The following PXK variants were observed in gnomAD, a reference collection of about 807,000 sequenced individuals.
PXK encodes the protein PX domain containing serine/threonine kinase like.
Under a neutral mutation model 84.7 loss-of-function variants are expected in PXK, and 35 were observed. The ratio of observed to expected loss-of-function variants is 0.41; its 90% CI spans 0.32 to 0.55. The LOEUF (loss-of-function observed/expected upper bound fraction) is 0.55. Ranked by LOEUF, PXK falls within the 20% of genes least tolerant of loss-of-function variation. The probability of loss-of-function intolerance (pLI) is 0.21; values close to 1 mark genes in which losing one functional copy is unlikely to be tolerated. For missense variants in PXK, 634 were observed against 699.7 expected (o/e 0.91, Z 1.06); for synonymous variants, 253 against 260.8 (o/e 0.97, Z 0.29).
Position 58,424,747 on chromosome 3 carries a change from C to T in PXK, c.1529-5C>T. 6.2e-7 allele frequency: 1 copy of T among 1,612,914 alleles called. No homozygotes were observed. Among genetic ancestry groups the T allele is most frequent in the Non-Finnish European group, 8.5e-7 (1 of 1,179,784 alleles). Reference sequence around the variant, plus strand: ...AATACTGATTGTCCCCCTTTTCCTCCACAGGGATATCTGCATTACCTCCAC... The same window carrying T: ...AATACTGATTGTCCCCCTTTTCCTCTACAGGGATATCTGCATTACCTCCAC... On this transcript the variant is annotated splice_region_variant and splice_polypyrimidine_tract_variant and intron_variant, in intron 17 of 17. Transcript: ENST00000356151.
intron 1 of PXK, among the ~76,000 whole-genome samples, chr3:58,357,825 C>T (rs1028440423): frequency 1.3e-5 from 2 of 152,078 alleles, no homozygotes; most frequent in African/African-American, 4.8e-5. Flanking sequence ...TGGTGGGCAC[C>T]TGTAATCCCA....
At chr3:58,378,507 TTTTTTTGTGTGTGTGTGTGTGTGTGTGTG>T (rs2098464859) in intron 3 of PXK, among the ~76,000 whole-genome samples, 1 of 105,080 alleles carries the variant, frequency 9.5e-6, no homozygotes, top group Non-Finnish European at 1.9e-5. Flanking sequence ...TTTTTTTTTT[TTTTTTTGTGTGTGTGTGTGTGTGTGTGTG>T]TGTGTGTGTG....
At position 58,421,561 on chromosome 3, in the gene PXK, C is replaced by G. The variant is rs2061860639; in HGVS notation, c.1529-3191C>G. On this transcript the variant is annotated intron_variant, in intron 17 of 17. Coordinates refer to ENST00000356151, the MANE Select transcript of PXK (RefSeq NM_017771.5). This position sits in a 1 kb window ranked among gnomAD's most constrained non-coding sequence, Gnocchi z 5.5. ...CGCCACTGCACTCCAGCCTGGGCAA[C>G]AGAGCGAGACTCCATCTCAGAAAAA... is the stretch of plus-strand genomic sequence containing the variant. 1.0e-6 allele frequency: 1 copy of G among 978,726 alleles called. No individual in the cohort carries two copies. Among genetic ancestry groups the G allele is most frequent in the Admixed American group, 6.1e-5 (1 of 16,278 alleles). The allele number at this position is 978,726 out of a possible 1,614,324, so 60.6% of individuals were successfully genotyped here.
chr3:58,423,192 T>C (rs1015792061), intron 17 of PXK: 3 of 984,682 alleles, frequency 3.0e-6, no homozygotes, highest in Non-Finnish European at 3.6e-6. Flanking sequence ...TCATCACACA[T>C]GCTTATTCTC....
At position 58,333,586 on chromosome 3, in the gene PXK, C is replaced by T. The variant is rs2097535743; in HGVS notation, c.102+496C>T. On this transcript the variant is annotated intron_variant, in intron 1 of 17. Transcript: ENST00000356151. The surrounding 1 kb of genome is among the most constrained non-coding windows in gnomAD (Gnocchi z 5.4). ...CTCCAGAGCCTACTTGTTGGGACAG[C>T]AGAGTGTAAGTGGCTGGGGTCTGCA... is the stretch of plus-strand genomic sequence containing the variant. 2.2e-6 allele frequency: 1 copy of T among 456,724 alleles called. No individual in the cohort carries two copies. 28.3% of individuals were successfully genotyped at this position (456,724 alleles called of 1,614,324 possible).
intron 1 of PXK, among the ~76,000 whole-genome samples, chr3:58,355,759 G>A (rs1385058483): frequency 6.6e-6 from 1 of 152,190 alleles, no homozygotes; most frequent in Non-Finnish European, 1.5e-5. Flanking sequence ...AGAGTCAGTG[G>A]GTCTACATCA....
chr3:58,374,312 A>G lies in PXK; in HGVS notation c.201+4834A>G, dbSNP rs546915390. Among the ~76,000 whole-genome samples the G allele has an allele frequency of 2.8e-3, 432 of 151,838 alleles. 2 individuals carry two copies. Among genetic ancestry groups the G allele is most frequent in the Non-Finnish European group, 4.2e-3 (285 of 67,946 alleles). The stretch of plus-strand genomic sequence containing the variant: ...CAGCCTCCCAAGTTGCTGGAATTAC[A>G]TGCCCCCACCATCATGCCTGGCTAA... On this transcript the variant is annotated intron_variant, in intron 3 of 17. Transcript: ENST00000356151.
At position 58,401,652 on chromosome 3, in the gene PXK, C is replaced by T. The variant is rs557245652; in HGVS notation, c.1182-2210C>T. ...AAAATAAAACAAAGTGAGGGGCAGG[C>T]GTGGTGGCTCATGCCTGTAATCCCA... On this transcript the variant is annotated intron_variant, in intron 12 of 17. Transcript: ENST00000356151. The surrounding 1 kb of genome is among the most constrained non-coding windows in gnomAD (Gnocchi z 4.4). Among the ~76,000 whole-genome samples, 7 of 150,884 alleles carry T rather than the reference C, an allele frequency of 4.6e-5. No homozygotes were observed. Among genetic ancestry groups the T allele is most frequent in the South Asian group, 4.2e-4 (2 of 4,728 alleles).
At chr3:58,381,193 G>A (rs1341239716) in intron 3 of PXK, among the ~76,000 whole-genome samples, 4 of 149,888 alleles carry the variant, frequency 2.7e-5, no homozygotes, top group Middle Eastern at 3.5e-3. Context: ...AGTTTGCAGC[G>A]AGCCGAGATC....
intron 1 of PXK, among the ~76,000 whole-genome samples, chr3:58,347,487 T>C (rs978377081): frequency 2.0e-5 from 3 of 152,226 alleles, no homozygotes; most frequent in African/African-American, 7.2e-5. Flanking sequence ...TGGAATCTTA[T>C]ACAATATAGT....
chr3:58,378,513 TGTGTGTGTGTGTGTGTGTG>T (rs1559987491), intron 3 of PXK, among the ~76,000 whole-genome samples: 3 of 25,252 alleles, frequency 1.2e-4, no homozygotes, highest in Non-Finnish European at 2.2e-4. Flanking sequence ...TTTTTTTTTT[TGTGTGTGTGTGTGTGTGTG>T]TGTGTGTGTG....
chr3:58,413,012 A>AC, intron 17 of PXK, 49 bp downstream of exon 17: 1 of 1,594,144 alleles, frequency 6.3e-7, no homozygotes. Flanking sequence ...CGCCAACAGG[A>AC]GGAGCGGGCT....
Position 58,333,017 on chromosome 3 carries a change from G to A in PXK, c.29G>A (p.Gly10Asp). ...GCCTTCATGGAGAAGCCGCCAGCCG[G>A]CAAGGTGCTGCTGGACGACACGGTG... is the stretch of plus-strand genomic sequence containing the variant. MAFMEKPPAGKVLLDDTVPL... is the reference protein window; with the variant it reads MAFMEKPPADKVLLDDTVPL... Residue 10 changes from glycine (G) to aspartate (D), a missense_variant, in exon 1 of 18, where the codon GGC (glycine) becomes GAC (aspartate). Around this residue, in one of 3 missense-constraint regions of PXK, gnomAD observed 353 missense variants for 385.2 expected, o/e 0.92. Transcript: ENST00000356151. The surrounding 1 kb of genome is among the most constrained non-coding windows in gnomAD (Gnocchi z 5.4). 1 of 1,369,320 alleles carries A rather than the reference G, an allele frequency of 7.3e-7. No individual in the cohort carries two copies. Among genetic ancestry groups the A allele is most frequent in the Non-Finnish European group, 9.5e-7 (1 of 1,048,528 alleles). 84.8% of individuals were successfully genotyped at this position (1,369,320 alleles called of 1,614,324 possible).
chr3:58,375,594 G>A (rs918908055), intron 3 of PXK, among the ~76,000 whole-genome samples: 1 of 152,216 alleles, frequency 6.6e-6, no homozygotes, highest in Admixed American at 6.5e-5. Context: ...AGGCCACTGT[G>A]TGAATGGAGT....
In PXK at chr3:58,379,878, G is replaced by A. The variant is rs1559992798; in HGVS notation, c.202-2636G>A. Among the ~76,000 whole-genome samples the A allele has an allele frequency of 6.6e-6, 1 of 152,054 alleles. No homozygotes were observed. Among genetic ancestry groups the A allele is most frequent in the African/African-American group, 2.4e-5 (1 of 41,384 alleles). Reference sequence around the variant, plus strand: ...GTGTACCACTTGTAGAGGCTGAGGTGACAGGATTGCTTGAGCTTAGGAGGT... The same window carrying A: ...GTGTACCACTTGTAGAGGCTGAGGTAACAGGATTGCTTGAGCTTAGGAGGT... On this transcript the variant is annotated intron_variant, in intron 3 of 17. Transcript: ENST00000356151. The surrounding 1 kb of genome is among the most constrained non-coding windows in gnomAD (Gnocchi z 5.1).
In PXK at chr3:58,403,908, A is replaced by T; in HGVS notation, c.1228A>T (p.Lys410Ter). The change falls in exon 13 of 18, where the codon AAG becomes TAG. Residue 410 changes from lysine (K) to a stop codon, truncating the protein, a stop_gained and splice_region_variant. Coordinates refer to ENST00000356151, the MANE Select transcript of PXK (RefSeq NM_017771.5). LOFTEE classifies it high-confidence loss of function. Reference sequence around the variant, plus strand: ...AACCACTTCTGAAAAACCACAGTTTAAGGTAAAGACAATTATATCGTTTTT... The same window carrying T: ...AACCACTTCTGAAAAACCACAGTTTTAGGTAAAGACAATTATATCGTTTTT... ...LLTTSEKPQF[K>*]IPTKLKEALR... 1 of 1,530,252 alleles carries T rather than the reference A, an allele frequency of 6.5e-7. No homozygotes were observed. Among genetic ancestry groups the T allele is most frequent in the Non-Finnish European group, 8.9e-7 (1 of 1,125,486 alleles). The allele number at this position is 1,530,252 out of a possible 1,614,324, so 94.8% of individuals were successfully genotyped here.
chr3:58,410,502 G>A (rs1490256106), intron 16 of PXK, among the ~76,000 whole-genome samples: 5 of 152,206 alleles, frequency 3.3e-5, no homozygotes, highest in Admixed American at 3.3e-4. Flanking sequence ...TGCATGAACA[G>A]AAATGACCTT....
Position 58,382,521 on chromosome 3 carries a change from G to A in PXK, c.209G>A (p.Gly70Asp). Residue 70 changes from glycine (G) to aspartate (D), a missense_variant, in exon 4 of 18, where the codon GGC becomes GAC. By Grantham distance (94) the Gly-to-Asp change is moderately conservative. Transcript: ENST00000356151. ...TTTTTTTTTTTTTTAAAGATTGCAG[G>A]CCTAAGTCTACCTCTTCCTCCCAAA... ...DLLNNSLQIA[G>D]LSLPLPPKKL... 2.6e-6 allele frequency: 4 copies of A among 1,550,940 alleles called. No homozygotes were observed. The highest frequency in any genetic ancestry group is 3.5e-6 in the Non-Finnish European group (4 of 1,157,244).
intron 1 of PXK, among the ~76,000 whole-genome samples, chr3:58,339,836 T>C (rs35376204): frequency 0.082 from 12,183 of 148,752 alleles, 584 homozygotes; most frequent in South Asian, 0.1. Flanking sequence ...TTTTTTGAGA[T>C]GGAGTTTCAC....
Sources: gnomAD v4.1 joint callset for allele counts (sites outside exome capture counted in the v4.1 genomes callset) on GRCh38, gnomAD v4.1.1 for gene constraint, gnomAD v4.1.1 regional missense constraint, Gnocchi (gnomAD v3.1) non-coding constraint, MANE v1.5 for transcripts, NCBI Gene and HGNC (gene_info 2026-07-23, HGNC 2026-07-21) for gene names.